Variants in DGKZ observed in about 807,000 individuals in gnomAD.
The protein encoded by DGKZ is diacylglycerol kinase zeta, also known as DAG kinase zeta.
A neutral mutation model predicts 142.5 loss-of-function variants in DGKZ; 45 were observed. That is an observed-to-expected ratio of 0.32 (90% CI 0.25 to 0.40). The LOEUF is 0.40. Among genes scored for constraint, DGKZ ranks in the 10% least tolerant of loss-of-function variants. The probability of loss-of-function intolerance (pLI) is 1.00; values close to 1 mark genes in which losing one functional copy is unlikely to be tolerated. For missense variants in DGKZ, 755 were observed against 1,306.5 expected (o/e 0.58, Z 6.51); for synonymous variants, 442 against 527.0 (o/e 0.84, Z 2.21).
At position 46,372,454 on chromosome 11, in the gene DGKZ, C is replaced by T; in HGVS notation, c.954C>T (p.Leu318=). The change falls in exon 11 of 31, where the codon CTC becomes CTT. Residue 318 remains leucine, a synonymous_variant. Coordinates refer to ENST00000527911, the Ensembl canonical transcript of DGKZ. The surrounding 1 kb of genome is among the most constrained non-coding windows in gnomAD (Gnocchi z 5.9). ...GTGCAAAGATCATCCAGTCTTTCCT[C>T]TGGTATCTCAATCCCCGACAAGTCT... is the stretch of plus-strand genomic sequence containing the variant. 2 of 1,614,032 alleles carry T rather than the reference C, an allele frequency of 1.2e-6. No homozygotes were observed. Among genetic ancestry groups the T allele is most frequent in the South Asian group, 1.1e-5 (1 of 91,084 alleles).
chr11:46,347,955 C>T lies in DGKZ; in HGVS notation c.161+135C>T. The T allele has an allele frequency of 8.3e-7, 1 of 1,206,992 alleles. No individual in the cohort carries two copies. The highest frequency in any genetic ancestry group is 1.0e-6 in the Non-Finnish European group (1 of 955,834). The allele number at this position is 1,206,992 out of a possible 1,614,324, so 74.8% of individuals were successfully genotyped here. A position where few individuals can be genotyped will look rare whatever the true frequency, so the allele number is the denominator to read the frequency against. ...TGAGTCGGGGAGAGGCTGGCACCGG[C>T]GGCACGAGCCGTCTTGGCGTGGGCA... On this transcript the variant is annotated intron_variant, in intron 1 of 30. Coordinates refer to ENST00000527911, the Ensembl canonical transcript of DGKZ. The surrounding 1 kb of genome is among the most constrained non-coding windows in gnomAD (Gnocchi z 6.4).
intron 14 of DGKZ, among the ~76,000 whole-genome samples, 184 bp downstream of exon 14, chr11:46,373,285 G>GTTTTTTTTTTTTTT (rs961769830): frequency 7.1e-4 from 82 of 115,348 alleles, no homozygotes; most frequent in Non-Finnish European, 8.8e-4. Flanking sequence ...TTTTTTTTTT[G>GTTTTTTTTTTTTTT]TTTTTTTTTT....
At chr11:46,375,327 C>T (rs1171447857) in intron 19 of DGKZ, 105 bp from the exon 20 acceptor site, 2 of 1,332,518 alleles carry the variant, frequency 1.5e-6, no homozygotes, top group African/African-American at 2.9e-5. Flanking sequence ...GGGTCACTCT[C>T]ACCTTTGTTC....
intron 1 of DGKZ, chr11:46,365,217 C>G: frequency 2.0e-6 from 2 of 985,404 alleles, no homozygotes; most frequent in Non-Finnish European, 2.4e-6. Flanking sequence ...GAGCTCTGGG[C>G]TGTGCAGCGT....
At position 46,365,176 on chromosome 11, in the gene DGKZ, A is replaced by G. The variant is rs866280754; in HGVS notation, c.162-2115A>G. 5.1e-6 allele frequency: 5 copies of G among 985,414 alleles called. No homozygotes were observed. The African/African-American group carries it at 7.0e-5, about 14-fold the overall frequency. The allele number at this position is 985,414 out of a possible 1,614,324, so 61.0% of individuals were successfully genotyped here. ...CCAGGTCCAGGTGGGAGCTAGGATGATGCCCACAGCTCCTGCCTGCCTGCA... is the reference window on the plus strand; with the variant it reads ...CCAGGTCCAGGTGGGAGCTAGGATGGTGCCCACAGCTCCTGCCTGCCTGCA... On this transcript the variant is annotated intron_variant, in intron 1 of 30. Transcript: ENST00000527911.
At position 46,347,845 on chromosome 11, in the gene DGKZ, G is replaced by C. The variant is rs888387179; in HGVS notation, c.161+25G>C. On this transcript the variant is annotated intron_variant, in intron 1 of 30. Transcript: ENST00000527911. The surrounding 1 kb of genome is among the most constrained non-coding windows in gnomAD (Gnocchi z 6.4). Reference sequence around the variant, plus strand: ...GGTGAGCGGGGCGGCGGCGGGGCAGGCACCGAGGCACCGGCAGGTTACCGC... The same window carrying C: ...GGTGAGCGGGGCGGCGGCGGGGCAGCCACCGAGGCACCGGCAGGTTACCGC... 2.4e-6 allele frequency: 3 copies of C among 1,276,358 alleles called. No individual in the cohort carries two copies. Among genetic ancestry groups the C allele is most frequent in the Non-Finnish European group, 3.0e-6 (3 of 1,009,330 alleles). The allele number at this position is 1,276,358 out of a possible 1,614,324, so 79.1% of individuals were successfully genotyped here.
At chr11:46,333,574 G>T in intron 1 of DGKZ, 1 of 1,260,146 alleles carries the variant, frequency 7.9e-7, no homozygotes, top group Non-Finnish European at 1.1e-6. Context: ...TTGTGCGCCC[G>T]CCGCCTGCCT....
Position 46,367,068 on chromosome 11 carries a change from C to G in DGKZ, c.162-223C>G. The G allele has an allele frequency of 1.4e-6, 2 of 1,442,776 alleles. No individual in the cohort carries two copies. The highest frequency in any genetic ancestry group is 1.8e-6 in the Non-Finnish European group (2 of 1,086,640). 89.4% of individuals were successfully genotyped at this position (1,442,776 alleles called of 1,614,324 possible). A position where few individuals can be genotyped will look rare whatever the true frequency, so the allele number is the denominator to read the frequency against. The stretch of plus-strand genomic sequence containing the variant: ...GCATGGGCCTTGAAGCTCTGCCTGG[C>G]TGAGGGTTCCCCACTTGGGAACACT... On this transcript the variant is annotated intron_variant, in intron 1 of 30. Coordinates refer to ENST00000527911, the Ensembl canonical transcript of DGKZ. The surrounding 1 kb of genome is among the most constrained non-coding windows in gnomAD (Gnocchi z 4.1).
intron 1 of DGKZ, among the ~76,000 whole-genome samples, chr11:46,339,765 G>A (rs1940185481): frequency 1.3e-5 from 2 of 152,224 alleles, no homozygotes; most frequent in Non-Finnish European, 2.9e-5. Flanking sequence ...GGCCAAGCAT[G>A]GGGAAGCCTG....
At chr11:46,364,618 C>T in intron 1 of DGKZ, 3 of 985,460 alleles carry the variant, frequency 3.0e-6, no homozygotes, top group Non-Finnish European at 3.6e-6. Flanking sequence ...CCCTGTCCAT[C>T]TCTCCCCCAA....
chr11:46,339,567 G>A (rs540260028), intron 1 of DGKZ, among the ~76,000 whole-genome samples: 187 of 152,358 alleles, frequency 1.2e-3, no homozygotes, highest in African/African-American at 4.4e-3. Flanking sequence ...CGGGATCCCA[G>A]GAGAGGGTCT....
At chr11:46,379,764 C>T in intron 30 of DGKZ, 67 bp from the exon 31 acceptor site, 1 of 1,459,626 alleles carries the variant, frequency 6.9e-7, no homozygotes, top group Non-Finnish European at 9.2e-7. Flanking sequence ...AGAGCCCCTG[C>T]CTCTCAGCCT....
chr11:46,364,628 A>G, intron 1 of DGKZ: 2 of 985,354 alleles, frequency 2.0e-6, no homozygotes, highest in Non-Finnish European at 2.4e-6. Flanking sequence ...CTCTCCCCCA[A>G]CACCCCTGTA....
intron 8 of DGKZ, 41 bp downstream of exon 8, chr11:46,371,644 G>A: frequency 1.9e-6 from 3 of 1,613,702 alleles, no homozygotes; most frequent in Non-Finnish European, 2.5e-6. Context: ...TACGCACTTG[G>A]GGTCTGCCAG....
Position 46,367,714 on chromosome 11 carries a change from C to T in DGKZ, c.333C>T (p.Tyr111=). ...CCAACGTGTCCGGGGACTTCTGCTA[C>T]GTTGGGGAGCAGTACTGTGTAGCCA... The change falls in exon 3 of 31, where the codon TAC becomes TAT. Residue 111 remains tyrosine (Y), a synonymous_variant. Transcript: ENST00000527911. This position sits in a 1 kb window ranked among gnomAD's most constrained non-coding sequence, Gnocchi z 4.1. 3 of 1,612,626 alleles carry T rather than the reference C, an allele frequency of 1.9e-6. No homozygotes were observed. The highest frequency in any genetic ancestry group is 2.5e-6 in the Non-Finnish European group (3 of 1,179,610).
At chr11:46,364,639 C>T (rs1590525816) in intron 1 of DGKZ, 1 of 985,468 alleles carries the variant, frequency 1.0e-6, no homozygotes, top group Non-Finnish European at 1.2e-6. Context: ...CACCCCTGTA[C>T]CTGGCCTGAA....
chr11:46,353,422 T>TAG (rs1171027926), intron 1 of DGKZ, among the ~76,000 whole-genome samples: 1 of 152,178 alleles, frequency 6.6e-6, no homozygotes, highest in Non-Finnish European at 1.5e-5. Context: ...ACCCATGAGA[T>TAG]AATCTGACCT....
chr11:46,364,228 C>T lies in DGKZ; in HGVS notation c.162-3063C>T, dbSNP rs77514613. The T allele has an allele frequency of 5.8e-4, 343 of 596,212 alleles. 1 individual carries two copies. In the East Asian group the frequency reaches 9.1e-3, roughly 16 times the overall value. 36.9% of individuals were successfully genotyped at this position (596,212 alleles called of 1,614,324 possible). A position where few individuals can be genotyped will look rare whatever the true frequency, so the allele number is the denominator to read the frequency against. Reference sequence around the variant, plus strand: ...CAGCACTGACTCCACACTGACTTGCCGTGGACTCTAGGCGGTCACCTCTGC... The same window carrying T: ...CAGCACTGACTCCACACTGACTTGCTGTGGACTCTAGGCGGTCACCTCTGC... On this transcript the variant is annotated intron_variant, in intron 1 of 30. Transcript: ENST00000527911.
Position 46,372,302 on chromosome 11 carries a change from T to A in DGKZ, c.928-126T>A. 7.5e-7 allele frequency: 1 copy of A among 1,337,642 alleles called. No individual in the cohort carries two copies. The allele number at this position is 1,337,642 out of a possible 1,614,324, so 82.9% of individuals were successfully genotyped here. A position where few individuals can be genotyped will look rare whatever the true frequency, so the allele number is the denominator to read the frequency against. ...CTCTTTCCCAGGGATCCTGAGAAAA[T>A]CCTGTCCTTTCTCCACCCCTCACCC... On this transcript the variant is annotated intron_variant, in intron 10 of 30. Transcript: ENST00000527911. The surrounding 1 kb of genome is among the most constrained non-coding windows in gnomAD (Gnocchi z 5.9).
Sources: allele counts gnomAD v4.1 joint callset (sites outside exome capture counted in the v4.1 genomes callset), GRCh38; gene constraint gnomAD v4.1.1; non-coding constraint Gnocchi (gnomAD v3.1); transcripts MANE v1.5; gene names NCBI Gene and HGNC (gene_info 2026-07-23, HGNC 2026-07-21).